The following KALRN variants were observed in gnomAD, a reference collection of about 807,000 sequenced individuals.
KALRN encodes the protein kalirin.
Under a neutral mutation model 353.7 loss-of-function variants are expected in KALRN, and 70 were observed. The observed-to-expected ratio is 0.20, with a 90% confidence interval of 0.16 to 0.24. KALRN has a LOEUF of 0.24. Ranked by LOEUF, KALRN falls within the 10% of genes least tolerant of loss-of-function variation. The pLI is 1.00. For synonymous variants in KALRN, 1,391 were observed against 1,434.8 expected, an observed-to-expected ratio of 0.97 and a Z score of 0.69; for missense variants, 2,791 against 3,756.7, an observed-to-expected ratio of 0.74 and a Z score of 6.72.
chr3:124,144,737 G>A (rs2067110620), intron 1 of KALRN, among the ~76,000 whole-genome samples: 4 of 151,616 alleles, frequency 2.6e-5, no homozygotes, highest in Admixed American at 2.6e-4. Context: ...TCTCTCTGCA[G>A]CATTACCACA....
At chr3:124,160,317 T>A (rs1289258024) in intron 1 of KALRN, among the ~76,000 whole-genome samples, 2 of 151,934 alleles carry the variant, frequency 1.3e-5, no homozygotes, top group Admixed American at 1.3e-4. Context: ...CCCTGCAATG[T>A]GCAGGAGGGA....
At chr3:124,609,031 G>T (rs921357005) in intron 34 of KALRN, among the ~76,000 whole-genome samples, 1 of 152,092 alleles carries the variant, frequency 6.6e-6, no homozygotes, top group Non-Finnish European at 1.5e-5. Context: ...TTAGCCAAAG[G>T]GTCAGCGGAC....
At chr3:124,390,360 A>T (rs2089166830) in intron 11 of KALRN, among the ~76,000 whole-genome samples, 1 of 152,224 alleles carries the variant, frequency 6.6e-6, no homozygotes, top group Non-Finnish European at 1.5e-5. Context: ...GCTTAATTAA[A>T]TACCCACTTA....
At chr3:124,039,913 C>T (rs1285568390) in intron 1 of KALRN, among the ~76,000 whole-genome samples, 3 of 152,022 alleles carry the variant, frequency 2.0e-5, no homozygotes, top group African/African-American at 4.8e-5. Context: ...TTTTCAGGAG[C>T]CTTTGGGGGA....
At chr3:124,621,245 C>T (rs931906137) in intron 34 of KALRN, among the ~76,000 whole-genome samples, 9 of 152,122 alleles carry the variant, frequency 5.9e-5, no homozygotes, top group Non-Finnish European at 1.0e-4. Flanking sequence ...TAACTAGAAA[C>T]GAACTAAGAT....
chr3:124,108,543 T>G (rs925107843), intron 1 of KALRN, among the ~76,000 whole-genome samples: 4 of 152,228 alleles, frequency 2.6e-5, no homozygotes, highest in Non-Finnish European at 5.9e-5. Flanking sequence ...TGTGACCTGC[T>G]TTGGCCAATG....
intron 11 of KALRN, among the ~76,000 whole-genome samples, chr3:124,394,089 CCCAA>C (rs2089848669): frequency 6.6e-6 from 1 of 152,112 alleles, no homozygotes; most frequent in Non-Finnish European, 1.5e-5. Context: ...TTGTGCTTTC[CCCAA>C]CCTACTTTAC....
At chr3:124,099,744 T>C (rs1201114552) in intron 1 of KALRN, among the ~76,000 whole-genome samples, 1 of 152,264 alleles carries the variant, frequency 6.6e-6, no homozygotes, top group Non-Finnish European at 1.5e-5. Flanking sequence ...GTCTTTTTGA[T>C]AATAACCATT....
intron 4 of KALRN, among the ~76,000 whole-genome samples, chr3:124,265,886 AG>A (rs1427393157): frequency 2.0e-5 from 3 of 151,998 alleles, no homozygotes. Flanking sequence ...GAGGCTGAGG[AG>A]GGTGGATCAC....
At chr3:124,635,542 G>A (rs1040303357) in intron 36 of KALRN, among the ~76,000 whole-genome samples, 3 of 152,116 alleles carry the variant, frequency 2.0e-5, no homozygotes, top group African/African-American at 7.2e-5. Flanking sequence ...TTTGATTTCT[G>A]TATGTTTTTT....
At chr3:124,276,829 G>A (rs1443073254) in intron 5 of KALRN, among the ~76,000 whole-genome samples, 2 of 152,206 alleles carry the variant, frequency 1.3e-5, no homozygotes, top group Admixed American at 6.5e-5. Context: ...ACGTATAGGG[G>A]CATCATTTCA....
chr3:124,472,335 T>G lies in KALRN; in HGVS notation c.4032-2328T>G, dbSNP rs2060999944. ...ACTTCTGACACAATAAAACAATTTT[T>G]TATCCTGTGTGGAATGTCCTGATCC... is the stretch of plus-strand genomic sequence containing the variant. On this transcript the variant is annotated intron_variant, in intron 25 of 59. Transcript: ENST00000682506. Among the ~76,000 whole-genome samples, 3 of 152,296 alleles carry G rather than the reference T, an allele frequency of 2.0e-5. No homozygotes were observed. In the South Asian group the frequency reaches 6.2e-4, roughly 32 times the overall value.
intron 33 of KALRN, among the ~76,000 whole-genome samples, chr3:124,561,671 T>G (rs1359874473): frequency 6.6e-6 from 1 of 152,200 alleles, no homozygotes; most frequent in African/African-American, 2.4e-5. Context: ...CCCTGAAGGC[T>G]TAAATCAGAG....
At chr3:124,411,378 G>A (rs1011789913) in intron 13 of KALRN, among the ~76,000 whole-genome samples, 3 of 134,160 alleles carry the variant, frequency 2.2e-5, no homozygotes, top group Non-Finnish European at 3.1e-5. Flanking sequence ...ATACAGTAAC[G>A]AAAAAGGCCT....
intron 10 of KALRN, among the ~76,000 whole-genome samples, chr3:124,354,504 G>A (rs1049133497): frequency 6.6e-6 from 1 of 152,042 alleles, no homozygotes; most frequent in Non-Finnish European, 1.5e-5. Flanking sequence ...AGTTGAGGGA[G>A]AAAATTAACC....
At chr3:124,382,329 A>G (rs1263156251) in intron 10 of KALRN, among the ~76,000 whole-genome samples, 1 of 152,130 alleles carries the variant, frequency 6.6e-6, no homozygotes, top group Non-Finnish European at 1.5e-5. Flanking sequence ...CTAATTATCT[A>G]TTAGTTTGCT....
At chr3:124,222,190 T>C (rs996083462) in intron 1 of KALRN, among the ~76,000 whole-genome samples, 5 of 152,140 alleles carry the variant, frequency 3.3e-5, no homozygotes, top group Admixed American at 1.3e-4. Flanking sequence ...ATCTGATACA[T>C]GAAGGAATGG....
chr3:124,430,307 C>G (rs2093213630), intron 15 of KALRN, among the ~76,000 whole-genome samples: 1 of 152,154 alleles, frequency 6.6e-6, no homozygotes, highest in African/African-American at 2.4e-5. Flanking sequence ...AGGATACCAA[C>G]AGATGGAATT....
intron 34 of KALRN, among the ~76,000 whole-genome samples, chr3:124,596,997 A>G (rs1178681296): frequency 6.6e-6 from 1 of 152,156 alleles, no homozygotes. Flanking sequence ...GCAGTGAGCC[A>G]AGTTTGTGCT....
Sources: gnomAD v4.1 joint callset for allele counts (sites outside exome capture counted in the v4.1 genomes callset) on GRCh38, gnomAD v4.1.1 for gene constraint, MANE v1.5 for transcripts, NCBI Gene and HGNC (gene_info 2026-07-23, HGNC 2026-07-21) for gene names.